Variants in PGAP4 observed in about 807,000 individuals in gnomAD.
PGAP4 encodes the protein GPI-N-acetylgalactosamine transferase PGAP4.
In PGAP4, 12 loss-of-function variants were observed where a neutral mutation model predicts 28.2. That is an observed-to-expected ratio of 0.42 (90% CI 0.27 to 0.69). The LOEUF is 0.69. Ranked by LOEUF, PGAP4 falls within the 30% of genes least tolerant of loss-of-function variation. PGAP4 has a pLI of 0.22. For synonymous variants in PGAP4, 205 were observed against 211.8 expected, an observed-to-expected ratio of 0.97 and a Z score of 0.28; for missense variants, 425 against 513.5, an observed-to-expected ratio of 0.83 and a Z score of 1.67.
At chr9:101,493,111 G>C (rs62575811) in intron 2 of PGAP4, among the ~76,000 whole-genome samples, 1 of 151,766 alleles carries the variant, frequency 6.6e-6, no homozygotes, top group Non-Finnish European at 1.5e-5. Context: ...AAAATTAGCC[G>C]GGTGTGGTGG....
chr9:101,527,127 C>T (rs1480915102), intron 2 of PGAP4, among the ~76,000 whole-genome samples: 1 of 152,194 alleles, frequency 6.6e-6, no homozygotes, highest in Non-Finnish European at 1.5e-5. Context: ...CGGCTGAGTG[C>T]TACAAGTATC....
chr9:101,525,664 C>T (rs1404073899), intron 2 of PGAP4, among the ~76,000 whole-genome samples: 2 of 137,502 alleles, frequency 1.5e-5, no homozygotes, highest in East Asian at 2.2e-4. Context: ...GACAAGATTG[C>T]GCCATTGCAC....
At chr9:101,515,557 G>C (rs1564101445) in intron 2 of PGAP4, among the ~76,000 whole-genome samples, 1 of 152,046 alleles carries the variant, frequency 6.6e-6, no homozygotes, top group East Asian at 1.9e-4. Flanking sequence ...GGTAATGCAG[G>C]ACTAAAAAGG....
intron 2 of PGAP4, among the ~76,000 whole-genome samples, chr9:101,523,615 G>A (rs551371967): frequency 0.038 from 1,044 of 27,340 alleles, 18 homozygotes; most frequent in Middle Eastern, 0.056. Flanking sequence ...CTCACTTCTT[G>A]TATCTTTTTT....
intron 2 of PGAP4, among the ~76,000 whole-genome samples, chr9:101,500,189 G>A (rs895116889): frequency 2.6e-5 from 4 of 151,878 alleles, no homozygotes; most frequent in South Asian, 2.1e-4. Flanking sequence ...CAACTTTAAC[G>A]TCTTAAAAAC....
chr9:101,526,818 T>C (rs984228419), intron 2 of PGAP4, among the ~76,000 whole-genome samples: 6 of 152,230 alleles, frequency 3.9e-5, no homozygotes, highest in Admixed American at 6.5e-5. Flanking sequence ...GGTTCATAAA[T>C]TGTAATTTCA....
chr9:101,477,227 C>CAAACAAACAAAA (rs1217533415), intron 1 of PGAP4, 58 bp from the exon 2 acceptor site: 1 of 1,334,138 alleles, frequency 7.5e-7, no homozygotes. Flanking sequence ...AACAAACAAA[C>CAAACAAACAAAA]AAACAAAAAA....
At chr9:101,521,438 G>A (rs1489611253) in intron 2 of PGAP4, among the ~76,000 whole-genome samples, 1 of 152,018 alleles carries the variant, frequency 6.6e-6, no homozygotes, top group Non-Finnish European at 1.5e-5. Flanking sequence ...ATTTAAGCTA[G>A]GAGGGCTGTA....
At chr9:101,502,632 T>C (rs1826813850) in intron 2 of PGAP4, among the ~76,000 whole-genome samples, 1 of 152,042 alleles carries the variant, frequency 6.6e-6, no homozygotes, top group Non-Finnish European at 1.5e-5. Context: ...AAGAATACAT[T>C]GTGTGCCTTT....
At chr9:101,499,549 G>A (rs531537075) in intron 2 of PGAP4, among the ~76,000 whole-genome samples, 1 of 152,194 alleles carries the variant, frequency 6.6e-6, no homozygotes, top group African/African-American at 2.4e-5. Flanking sequence ...TTGTTTTGAA[G>A]TAATTATTCT....
chr9:101,517,967 T>G (rs925633487), intron 2 of PGAP4, among the ~76,000 whole-genome samples: 8 of 152,114 alleles, frequency 5.3e-5, no homozygotes, highest in Non-Finnish European at 7.4e-5. Context: ...AGATTTGAGG[T>G]ATGGATGATC....
chr9:101,475,983 C>G lies in PGAP4; in HGVS notation c.1110G>C (p.Leu370Phe). 1 of 1,614,222 alleles carries G rather than the reference C, an allele frequency of 6.2e-7. No homozygotes were observed. Among genetic ancestry groups the G allele is most frequent in the Non-Finnish European group, 8.5e-7 (1 of 1,180,040 alleles). ...FGKDMALYSL[L>F]RAKGERAYVV... is the part of the protein sequence containing the mutation. Reference sequence around the variant, plus strand: ...CATAGGCCCTCTCTCCCTTGGCCCTCAACAGCGAGTACAGTGCCATGTCCT... The same window carrying G: ...CATAGGCCCTCTCTCCCTTGGCCCTGAACAGCGAGTACAGTGCCATGTCCT... The change falls in exon 2 of 2, where the codon TTG (leucine) becomes TTC (phenylalanine). Residue 370 changes from leucine (L) to phenylalanine (F), a missense_variant. Leu to Phe is a conservative substitution (Grantham distance 22, BLOSUM62 0). Transcript: ENST00000374848.
intron 2 of PGAP4, among the ~76,000 whole-genome samples, chr9:101,512,459 A>G (rs1047361555): frequency 6.6e-6 from 1 of 152,176 alleles, no homozygotes; most frequent in Non-Finnish European, 1.5e-5. Flanking sequence ...TGCTCAAGCT[A>G]TCTCACAAAA....
intron 2 of PGAP4, among the ~76,000 whole-genome samples, chr9:101,499,444 A>G (rs918890141): frequency 1.3e-5 from 2 of 152,036 alleles, no homozygotes; most frequent in Non-Finnish European, 2.9e-5. Flanking sequence ...AGAACATTGC[A>G]GTGGGAATAT....
At chr9:101,493,189 G>C (rs976684209) in intron 2 of PGAP4, among the ~76,000 whole-genome samples, 1 of 151,170 alleles carries the variant, frequency 6.6e-6, no homozygotes, top group Non-Finnish European at 1.5e-5. Context: ...GGGAGGCGGA[G>C]GTTGCAGTGA....
chr9:101,483,472 T>A (rs899813782), intron 1 of PGAP4, among the ~76,000 whole-genome samples: 8 of 152,188 alleles, frequency 5.3e-5, no homozygotes, highest in African/African-American at 1.4e-4. Flanking sequence ...CCAGGCAGAC[T>A]GTGTCCAGAA....
chr9:101,480,654 C>T (rs73657948), intron 1 of PGAP4: 3,539 of 152,230 alleles, frequency 0.023, 131 homozygotes, highest in African/African-American at 0.08. Flanking sequence ...AACATTAATG[C>T]AATCTACCAC....
chr9:101,519,018 G>A (rs961010555), intron 2 of PGAP4, among the ~76,000 whole-genome samples: 2 of 152,102 alleles, frequency 1.3e-5, no homozygotes, highest in African/African-American at 2.4e-5. Context: ...TTGCAGGAGT[G>A]AGGTGGTATC....
At chr9:101,478,614 A>T (rs1453523413) in intron 1 of PGAP4, among the ~76,000 whole-genome samples, 5 of 152,228 alleles carry the variant, frequency 3.3e-5, no homozygotes, top group Admixed American at 1.3e-4. Context: ...CAGGTGTCAC[A>T]CCTGGGACAA....
Sources: allele counts gnomAD v4.1 joint callset (sites outside exome capture counted in the v4.1 genomes callset), GRCh38; gene constraint gnomAD v4.1.1; transcripts MANE v1.5; gene names NCBI Gene and HGNC (gene_info 2026-07-23, HGNC 2026-07-21).